Variants in CRIP2 observed in about 807,000 individuals in gnomAD.
CRIP2 encodes the protein cysteine-rich protein 2.
In CRIP2, 31 loss-of-function variants were observed where a neutral mutation model predicts 31.3. The ratio of observed to expected loss-of-function variants is 0.99; its 90% CI spans 0.74 to 1.34. CRIP2 has a LOEUF of 1.34. CRIP2 is among the 40% of genes most tolerant of loss of function. The pLI is 0.00. For synonymous variants in CRIP2, 177 were observed against 127.2 expected, an observed-to-expected ratio of 1.39 and a Z score of -2.63; for missense variants, 389 against 301.6, an observed-to-expected ratio of 1.29 and a Z score of -2.15.
chr14:105,476,601 C>G lies in CRIP2; in HGVS notation c.44-1665C>G, dbSNP rs958978757. On this transcript the variant is annotated intron_variant, in intron 1 of 7. Coordinates refer to ENST00000329146, the MANE Select transcript of CRIP2 (RefSeq NM_001312.4). ...GGTCTGAGGGCCAGTTCCCTGCCCC[C>G]ACTTGGCCCACGTCCCAGAGCTGGC... The G allele has an allele frequency of 3.1e-5, 31 of 985,510 alleles. No homozygotes were observed. In the African/African-American group the frequency reaches 4.4e-4, roughly 14 times the overall value. 61.0% of individuals were successfully genotyped at this position (985,510 alleles called of 1,614,324 possible).
In CRIP2 at chr14:105,478,690, C is replaced by T; in HGVS notation, c.197-41C>T. The T allele has an allele frequency of 1.4e-6, 2 of 1,446,216 alleles. No homozygotes were observed. Among genetic ancestry groups the T allele is most frequent in the South Asian group, 1.4e-5 (1 of 71,208 alleles). The allele number at this position is 1,446,216 out of a possible 1,614,324, so 89.6% of individuals were successfully genotyped here. A position where few individuals can be genotyped will look rare whatever the true frequency, so the allele number is the denominator to read the frequency against. ...TCTGAGATGCCCGGTGGCCGCGGCCCCCACCCCACGTACCCCCGCCCCACG... is the reference window on the plus strand; with the variant it reads ...TCTGAGATGCCCGGTGGCCGCGGCCTCCACCCCACGTACCCCCGCCCCACG... On this transcript the variant is annotated intron_variant, in intron 3 of 7. Transcript: ENST00000329146. The surrounding 1 kb of genome is among the most constrained non-coding windows in gnomAD (Gnocchi z 4.9).
chr14:105,477,822 T>A (rs1364097364), intron 1 of CRIP2, among the ~76,000 whole-genome samples: 2 of 30,370 alleles, frequency 6.6e-5, no homozygotes, highest in African/African-American at 3.3e-4. Context: ...GGCGGGCGTG[T>A]GGGGGAGGCG....
rs1555437160 is a variant in CRIP2, at chr14:105,480,129, C to T, written c.*476C>T. ...CTCACGTGGCTCACCTGCTGTTGAG[C>T]CTTGTGCTGTCAATAAACGGTTTGA... On this transcript the variant is annotated 3_prime_UTR_variant, in exon 8 of 8. Transcript: ENST00000329146. The T allele has an allele frequency of 1.0e-5, 2 of 191,746 alleles. No homozygotes were observed. Among genetic ancestry groups the T allele is most frequent in the Non-Finnish European group, 2.2e-5 (2 of 91,362 alleles). 11.9% of individuals were successfully genotyped at this position (191,746 alleles called of 1,614,324 possible).
rs2084051582 is a variant in CRIP2 at position 105,479,763 on chromosome 14, C to T, written c.*110C>T. ...CAGCCGCCCAGTCCTGCCTGCAAGCCCAGGGCGAGTATTGGAGGAGGGGCA... is the reference window on the plus strand; with the variant it reads ...CAGCCGCCCAGTCCTGCCTGCAAGCTCAGGGCGAGTATTGGAGGAGGGGCA... On this transcript the variant is annotated 3_prime_UTR_variant, in exon 8 of 8. Coordinates refer to ENST00000329146, the MANE Select transcript of CRIP2 (RefSeq NM_001312.4). 4 of 1,243,240 alleles carry T rather than the reference C, an allele frequency of 3.2e-6. No homozygotes were observed. Among genetic ancestry groups the T allele is most frequent in the South Asian group, 2.6e-5 (2 of 75,852 alleles). The allele number at this position is 1,243,240 out of a possible 1,614,324, so 77.0% of individuals were successfully genotyped here.
At position 105,479,626 on chromosome 14, in the gene CRIP2, G is replaced by A. The variant is rs2084047021; in HGVS notation, c.600G>A (p.Arg200=). 5 of 1,612,660 alleles carry A rather than the reference G, an allele frequency of 3.1e-6. No individual in the cohort carries two copies. The highest frequency in any genetic ancestry group is 4.2e-6 in the Non-Finnish European group (5 of 1,179,900). Residue 200 remains arginine (R), a synonymous_variant, in exon 8 of 8, where the codon CGG becomes CGA. Coordinates refer to ENST00000329146, the MANE Select transcript of CRIP2 (RefSeq NM_001312.4). ...TGAVGSYIYD[R]DPEGKVQP is the part of the protein sequence containing the mutation. ...CGGTGGGCAGCTACATCTATGACCG[G>A]GACCCCGAAGGCAAGGTCCAGCCCT... is the stretch of plus-strand genomic sequence containing the variant.
At position 105,477,639 on chromosome 14, in the gene CRIP2, G is replaced by C. The variant is rs1214468937; in HGVS notation, c.44-627G>C. ...AAGAGAAGTGTTTGAGGGAATGACA[G>C]GTGGGGGAGATGCATATGTGTGGGG... On this transcript the variant is annotated intron_variant, in intron 1 of 7. Coordinates refer to ENST00000329146, the MANE Select transcript of CRIP2 (RefSeq NM_001312.4). The C allele has an allele frequency of 2.6e-5, 24 of 933,732 alleles. No homozygotes were observed. In the African/African-American group the frequency reaches 7.5e-4, roughly 29 times the overall value. 57.8% of individuals were successfully genotyped at this position (933,732 alleles called of 1,614,324 possible).
Position 105,476,667 on chromosome 14 carries a change from G to A in CRIP2, c.44-1599G>A, listed in dbSNP as rs1256216563. ...GCAGCCCTGGGCTGCAGCTGCCACG[G>A]CCGATAGCCACCGAGACTTCCTTGC... On this transcript the variant is annotated intron_variant, in intron 1 of 7. Coordinates refer to ENST00000329146, the MANE Select transcript of CRIP2 (RefSeq NM_001312.4). 8.1e-6 allele frequency: 8 copies of A among 984,794 alleles called. No homozygotes were observed. In the African/African-American group the frequency reaches 1.1e-4, roughly 13 times the overall value. The allele number at this position is 984,794 out of a possible 1,614,324, so 61.0% of individuals were successfully genotyped here.
chr14:105,478,297 G>T lies in CRIP2; in HGVS notation c.75G>T (p.Trp25Cys). Residue 25 changes from tryptophan to cysteine, a missense_variant, in exon 2 of 8, where the codon TGG (tryptophan) becomes TGT (cysteine). Coordinates refer to ENST00000329146, the MANE Select transcript of CRIP2 (RefSeq NM_001312.4). The surrounding 1 kb of genome is among the most constrained non-coding windows in gnomAD (Gnocchi z 4.9). ...AGGTGAGCTCCCTGGGGAAGGACTG[G>T]CACAAGTTCTGCCTCAAGTGCGAGC... is the stretch of plus-strand genomic sequence containing the variant. ...AEKVSSLGKD[W>C]HKFCLKCERC... 6.4e-7 allele frequency: 1 copy of T among 1,572,518 alleles called. No homozygotes were observed. The highest frequency in any genetic ancestry group is 8.6e-7 in the Non-Finnish European group (1 of 1,161,024).
Position 105,478,445 on chromosome 14 carries a change from C to T in CRIP2, c.139-5C>T. The T allele has an allele frequency of 1.2e-6, 2 of 1,603,558 alleles. No individual in the cohort carries two copies. Among genetic ancestry groups the T allele is most frequent in the Non-Finnish European group, 1.7e-6 (2 of 1,178,114 alleles). ...CAGGGTCCTGACCCGCGCCCCTCTG[C>T]GCAGCATGACGGGAAGCCGTTCTGC... On this transcript the variant is annotated splice_polypyrimidine_tract_variant and splice_region_variant and intron_variant, in intron 2 of 7. Coordinates refer to ENST00000329146, the MANE Select transcript of CRIP2 (RefSeq NM_001312.4). This position sits in a 1 kb window ranked among gnomAD's most constrained non-coding sequence, Gnocchi z 4.9.
At position 105,478,765 on chromosome 14, in the gene CRIP2, CG is replaced by C; in HGVS notation, c.232del (p.Glu78ArgfsTer62). On this transcript the variant is annotated frameshift_variant, in exon 4 of 8. Transcript: ENST00000329146. LOFTEE classifies it high-confidence loss of function. This position sits in a 1 kb window ranked among gnomAD's most constrained non-coding sequence, Gnocchi z 4.9. The stretch of plus-strand genomic sequence containing the variant: ...TCGGGGGCGCGGGCTCCTACATCTA[CG>C]AGAAGCCCCTGGCGGAGGGGCCGCA... ...NIGGAGSYIY[E>X]KPLAEGPQVT... The C allele has an allele frequency of 7.0e-7, 1 of 1,430,226 alleles. No individual in the cohort carries two copies. The highest frequency in any genetic ancestry group is 9.1e-7 in the Non-Finnish European group (1 of 1,097,838). 88.6% of individuals were successfully genotyped at this position (1,430,226 alleles called of 1,614,324 possible).
At position 105,479,000 on chromosome 14, in the gene CRIP2, C is replaced by T. The variant is rs1555436620; in HGVS notation, c.359C>T (p.Thr120Ile). 2.5e-6 allele frequency: 4 copies of T among 1,580,994 alleles called. No homozygotes were observed. The highest frequency in any genetic ancestry group is 1.2e-5 in the South Asian group (1 of 86,940). The change falls in exon 5 of 8, where the codon ACC becomes ATC. Residue 120 changes from threonine (T) to isoleucine (I), a missense_variant. By Grantham distance (89) the Thr-to-Ile change is moderately conservative. Coordinates refer to ENST00000329146, the MANE Select transcript of CRIP2 (RefSeq NM_001312.4). This position sits in a 1 kb window ranked among gnomAD's most constrained non-coding sequence, Gnocchi z 4.9. ...PSRASSVTTF[T>I]GEPNTCPRCS... ...ACAGCCTCCAGTGTCACCACTTTCA[C>T]CGGGGAGCCCAACACGTGCCCGCGC... is the stretch of plus-strand genomic sequence containing the variant.
rs1365877825 is a variant in CRIP2 at position 105,478,774 on chromosome 14, C to T, written c.240C>T (p.Pro80=). ...GGAGSYIYEK[P]LAEGPQVTGP... is the part of the protein sequence containing the mutation. The stretch of plus-strand genomic sequence containing the variant: ...CGGGCTCCTACATCTACGAGAAGCC[C>T]CTGGCGGAGGGGCCGCAGGTCACCG... The change falls in exon 4 of 8, where the codon CCC becomes CCT. Residue 80 remains proline, a synonymous_variant. Transcript: ENST00000329146. This position sits in a 1 kb window ranked among gnomAD's most constrained non-coding sequence, Gnocchi z 4.9. 3.5e-5 allele frequency: 50 copies of T among 1,431,772 alleles called. No homozygotes were observed. The highest frequency in any genetic ancestry group is 5.2e-5 in the East Asian group (2 of 38,714). 88.7% of individuals were successfully genotyped at this position (1,431,772 alleles called of 1,614,324 possible). A position where few individuals can be genotyped will look rare whatever the true frequency, so the allele number is the denominator to read the frequency against.
rs1567062167 is a variant in CRIP2 at position 105,478,220 on chromosome 14, CG to C, written c.44-42del. On this transcript the variant is annotated intron_variant, in intron 1 of 7. Transcript: ENST00000329146. The surrounding 1 kb of genome is among the most constrained non-coding windows in gnomAD (Gnocchi z 4.9). ...CTGCCAGGTGGGGGCGGAGGGGGTGCGGGGCGCGCCCCGGCCCTGACCCCCC... is the reference window on the plus strand; with the variant it reads ...CTGCCAGGTGGGGGCGGAGGGGGTGCGGGCGCGCCCCGGCCCTGACCCCCC... 9 of 1,404,482 alleles carry C rather than the reference CG, an allele frequency of 6.4e-6. No individual in the cohort carries two copies. The highest frequency in any genetic ancestry group is 8.4e-6 in the Non-Finnish European group (9 of 1,066,850). The allele number at this position is 1,404,482 out of a possible 1,614,324, so 87.0% of individuals were successfully genotyped here.
In CRIP2 at chr14:105,478,409, C is replaced by A; in HGVS notation, c.139-41C>A. On this transcript the variant is annotated intron_variant, in intron 2 of 7. Coordinates refer to ENST00000329146, the MANE Select transcript of CRIP2 (RefSeq NM_001312.4). The surrounding 1 kb of genome is among the most constrained non-coding windows in gnomAD (Gnocchi z 4.9). ...GCGGGGGCGGGGGTCGCGACTCCCG[C>A]CACCCTCAGGCAGGGTCCTGACCCG... The A allele has an allele frequency of 6.3e-7, 1 of 1,586,976 alleles. No homozygotes were observed. Among genetic ancestry groups the A allele is most frequent in the African/African-American group, 1.3e-5 (1 of 74,284 alleles).
intron 1 of CRIP2, chr14:105,476,147 G>A: frequency 1.0e-6 from 1 of 985,460 alleles, no homozygotes; most frequent in Non-Finnish European, 1.2e-6. Context: ...GGCTTAGGGT[G>A]GGAGACGGTC....
intron 1 of CRIP2, chr14:105,475,163 TGTG>T (rs2141745686): frequency 2.8e-6 from 1 of 362,482 alleles, no homozygotes; most frequent in East Asian, 4.5e-5. Context: ...GGGCGGGGCT[TGTG>T]GTGCCCCGGG....
upstream of CRIP2, among the ~76,000 whole-genome samples, chr14:105,473,983 C>G (rs1409132427): frequency 6.6e-6 from 1 of 152,198 alleles, no homozygotes; most frequent in South Asian, 2.1e-4. Flanking sequence ...CTTCCTAACT[C>G]CTCACCGCCT....
Position 105,478,174 on chromosome 14 carries a change from C to G in CRIP2, c.44-92C>G. The stretch of plus-strand genomic sequence containing the variant: ...GAGACCTCCTGAAAGTGGGGACCCC[C>G]GGAGCGCGTGGGGGTGGTGGCTGCC... On this transcript the variant is annotated intron_variant, in intron 1 of 7. Transcript: ENST00000329146. The surrounding 1 kb of genome is among the most constrained non-coding windows in gnomAD (Gnocchi z 4.9). The G allele has an allele frequency of 3.8e-6, 4 of 1,048,956 alleles. No homozygotes were observed. The highest frequency in any genetic ancestry group is 5.3e-6 in the Non-Finnish European group (4 of 760,114). 65.0% of individuals were successfully genotyped at this position (1,048,956 alleles called of 1,614,324 possible). A position where few individuals can be genotyped will look rare whatever the true frequency, so the allele number is the denominator to read the frequency against.
rs183771092 is a variant in CRIP2, at chr14:105,479,661, C to T, written c.*8C>T. 16 of 1,610,320 alleles carry T rather than the reference C, an allele frequency of 9.9e-6. No individual in the cohort carries two copies. The highest frequency in any genetic ancestry group is 1.4e-5 in the Non-Finnish European group (16 of 1,178,988). ...GGCAAGGTCCAGCCCTAGGCTACAG[C>T]GGCTCTCATGATGTGGGCTCACCTG... On this transcript the variant is annotated 3_prime_UTR_variant, in exon 8 of 8. Coordinates refer to ENST00000329146, the MANE Select transcript of CRIP2 (RefSeq NM_001312.4).
Sources: allele counts gnomAD v4.1 joint callset (sites outside exome capture counted in the v4.1 genomes callset), GRCh38; gene constraint gnomAD v4.1.1; non-coding constraint Gnocchi (gnomAD v3.1); transcripts MANE v1.5; gene names NCBI Gene and HGNC (gene_info 2026-07-23, HGNC 2026-07-21).